TMEM216: variants seen among roughly 807,000 people sequenced by gnomAD.
TMEM216 encodes transmembrane protein 216.
TMEM216 carries 15 observed loss-of-function variants against 17.8 expected under a neutral mutation model. The ratio of observed to expected loss-of-function variants is 0.84; its 90% CI spans 0.56 to 1.30. The LOEUF (loss-of-function observed/expected upper bound fraction) is 1.30. TMEM216 is among the 50% of genes most tolerant of loss of function. The pLI is 0.00. For synonymous variants in TMEM216, 58 were observed against 73.5 expected, an observed-to-expected ratio of 0.79 and a Z score of 1.08; for missense variants, 160 against 175.7, an observed-to-expected ratio of 0.91 and a Z score of 0.51.
At chr11:61,396,386 G>A (rs548835619) in intron 3 of TMEM216, among the ~76,000 whole-genome samples, 11 of 152,282 alleles carry the variant, frequency 7.2e-5, no homozygotes, top group African/African-American at 2.6e-4. Context: ...GGGTGAGGCA[G>A]GAGAATCACT....
chr11:61,395,756 A>G (rs916662502), intron 3 of TMEM216, among the ~76,000 whole-genome samples: 1 of 152,054 alleles, frequency 6.6e-6, no homozygotes, highest in Non-Finnish European at 1.5e-5. Context: ...GGTAAGGGAC[A>G]TTAATGGCAG....
chr11:61,398,220 C>T lies in TMEM216; in HGVS notation c.432-50C>T, dbSNP rs185928080. On this transcript the variant is annotated intron_variant, in intron 4 of 4. Coordinates refer to ENST00000515837, the MANE Select transcript of TMEM216 (RefSeq NM_001173990.3). ...TAGAACAGTCGAGGCCAGCTGCTCT[C>T]ATTCACTGGTCTTTTAACATTTTCT... The T allele has an allele frequency of 4.5e-5, 72 of 1,601,888 alleles. No homozygotes were observed. The African/African-American group carries it at 7.3e-4, about 16-fold the overall frequency.
rs1281870888 is a variant in TMEM216, at chr11:61,392,698, C to G, written c.34+33C>G. 3 of 1,535,950 alleles carry G rather than the reference C, an allele frequency of 2.0e-6. No individual in the cohort carries two copies. The Admixed American group carries it at 5.9e-5, about 30-fold the overall frequency. Reference sequence around the variant, plus strand: ...TCCGGAGGTGTGTGAGTCGCTGGTCCCTTTCCCTTCGGTCGCTCCCTCCCA... The same window carrying G: ...TCCGGAGGTGTGTGAGTCGCTGGTCGCTTTCCCTTCGGTCGCTCCCTCCCA... On this transcript the variant is annotated intron_variant, in intron 1 of 4. Transcript: ENST00000515837.
At position 61,393,299 on chromosome 11, in the gene TMEM216, T is replaced by A; in HGVS notation, c.103T>A (p.Phe35Ile). 1 of 1,536,034 alleles carries A rather than the reference T, an allele frequency of 6.5e-7. No homozygotes were observed. The change falls in exon 2 of 5, where the codon TTC becomes ATC. Residue 35 changes from phenylalanine to isoleucine, a missense_variant. Transcript: ENST00000515837. ...GAACGGGTGGTATAATGCTACCTAT[T>A]TCCTGCTGGAACTTTTCATATTTCT... is the stretch of plus-strand genomic sequence containing the variant. ...FLNGWYNATY[F>I]LLELFIFLYK... is the part of the protein sequence containing the mutation.
intron 3 of TMEM216, 47 bp downstream of exon 3, chr11:61,394,023 G>A: frequency 6.5e-7 from 1 of 1,548,774 alleles, no homozygotes; most frequent in Non-Finnish European, 8.9e-7. Flanking sequence ...AGACAAGCTG[G>A]TATCTGTAAC....
intron 2 of TMEM216, 119 bp from the exon 3 acceptor site, chr11:61,393,765 C>A: frequency 1.5e-6 from 1 of 688,918 alleles, no homozygotes; most frequent in Non-Finnish European, 2.5e-6. Flanking sequence ...ATAATGCCCA[C>A]ATCTCACTAA....
Position 61,392,646 on chromosome 11 carries a change from A to ACTGAAGATGGCGCCGCGAGGT in TMEM216, c.16_34+2dup. 6.7e-7 allele frequency: 1 copy of ACTGAAGATGGCGCCGCGAGGT among 1,500,474 alleles called. No individual in the cohort carries two copies. The highest frequency in any genetic ancestry group is 8.9e-7 in the Non-Finnish European group (1 of 1,126,100). 92.9% of individuals were successfully genotyped at this position (1,500,474 alleles called of 1,614,324 possible). On this transcript the variant is annotated inframe_insertion, in exon 1 of 5. Coordinates refer to ENST00000515837, the MANE Select transcript of TMEM216 (RefSeq NM_001173990.3). ...TGTGGCAGCGTATGCTGCCACGGGG[A>ACTGAAGATGGCGCCGCGAGGT]CTGAAGATGGCGCCGCGAGGTGAGA...
chr11:61,393,276 A>T lies in TMEM216; in HGVS notation c.80A>T (p.Asn27Ile). 2.0e-6 allele frequency: 3 copies of T among 1,536,004 alleles called. No homozygotes were observed. Among genetic ancestry groups the T allele is most frequent in the Non-Finnish European group, 2.6e-6 (3 of 1,146,844 alleles). Residue 27 changes from asparagine to isoleucine, a missense_variant, in exon 2 of 5, where the codon AAC becomes ATC. Physicochemically the swap from Asn to Ile is moderately radical, Grantham distance 149 (BLOSUM62 -3). Coordinates refer to ENST00000515837, the MANE Select transcript of TMEM216 (RefSeq NM_001173990.3). ...CCGCTGGAAATCCTGTTCTTTCTGA[A>T]CGGGTGGTATAATGCTACCTATTTC... ...STPLEILFFLNGWYNATYFLL... is the reference protein window; with the variant it reads ...STPLEILFFLIGWYNATYFLL...
chr11:61,397,292 G>A (rs1207295909), intron 3 of TMEM216, among the ~76,000 whole-genome samples: 4 of 151,232 alleles, frequency 2.6e-5, no homozygotes, highest in Non-Finnish European at 5.9e-5. Flanking sequence ...TCAGCCTCCC[G>A]AGTAGCTGGG....
Position 61,392,626 on chromosome 11 carries a change from C to T in TMEM216, c.-6C>T, listed in dbSNP as rs1038137806. 150 of 1,515,628 alleles carry T rather than the reference C, an allele frequency of 9.9e-5. No homozygotes were observed. Among genetic ancestry groups the T allele is most frequent in the Non-Finnish European group, 1.3e-4 (146 of 1,134,476 alleles). 93.9% of individuals were successfully genotyped at this position (1,515,628 alleles called of 1,614,324 possible). On this transcript the variant is annotated 5_prime_UTR_variant, in exon 1 of 5. Transcript: ENST00000515837. The stretch of plus-strand genomic sequence containing the variant: ...CGCGCTGCTCCGGGAGCCGCTGTGG[C>T]AGCGTATGCTGCCACGGGGACTGAA...
chr11:61,397,742 T>C (rs1200941641), intron 3 of TMEM216, 32 bp from the exon 4 acceptor site: 1 of 1,594,782 alleles, frequency 6.3e-7, no homozygotes, highest in East Asian at 2.2e-5. Context: ...AGCAGACCAT[T>C]TGGAGATGAC....
rs1858737152 is a variant in TMEM216, at chr11:61,393,933, G to A, written c.186G>A (p.Met62Ile). ...CTAACCTAGTACTGGATGTGGTGATGCTCCTCCTTTATCTTGGAATTGAAG... is the reference window on the plus strand; with the variant it reads ...CTAACCTAGTACTGGATGTGGTGATACTCCTCCTTTATCTTGGAATTGAAG... ...PTANLVLDVV[M>I]LLLYLGIEVI... is the part of the protein sequence containing the mutation. The change falls in exon 3 of 5, where the codon ATG becomes ATA. Residue 62 changes from methionine (M) to isoleucine (I), a missense_variant. Physicochemically the swap from Met to Ile is conservative, Grantham distance 10 (BLOSUM62 1). Coordinates refer to ENST00000515837, the MANE Select transcript of TMEM216 (RefSeq NM_001173990.3). 6.2e-7 allele frequency: 1 copy of A among 1,613,964 alleles called. No individual in the cohort carries two copies. The highest frequency in any genetic ancestry group is 8.5e-7 in the Non-Finnish European group (1 of 1,179,888).
chr11:61,393,364 C>A, intron 2 of TMEM216, 32 bp downstream of exon 2: 1 of 1,416,018 alleles, frequency 7.1e-7, no homozygotes, highest in Non-Finnish European at 9.6e-7. Flanking sequence ...ACGACAGCAT[C>A]CCTTCCCCAC....
Position 61,393,252 on chromosome 11 carries a change from C to G in TMEM216, c.56C>G (p.Pro19Arg). The change falls in exon 2 of 5, where the codon CCG becomes CGG. Residue 19 changes from proline (P) to arginine (R), a missense_variant. Physicochemically the swap from Pro to Arg is moderately radical, Grantham distance 103 (BLOSUM62 -2). Coordinates refer to ENST00000515837, the MANE Select transcript of TMEM216 (RefSeq NM_001173990.3). ...APRGKRLSST[P>R]LEILFFLNGW... ...TCAGGTAAACGGTTGTCCTCCACCC[C>G]GCTGGAAATCCTGTTCTTTCTGAAC... 1 of 1,535,938 alleles carries G rather than the reference C, an allele frequency of 6.5e-7. No individual in the cohort carries two copies. The highest frequency in any genetic ancestry group is 8.7e-7 in the Non-Finnish European group (1 of 1,146,776).
rs773177429 is a variant in TMEM216, at chr11:61,397,864, T to C, written c.320T>C (p.Leu107Pro). The C allele has an allele frequency of 3.7e-6, 6 of 1,614,038 alleles. No homozygotes were observed. The highest frequency in any genetic ancestry group is 5.1e-6 in the Non-Finnish European group (6 of 1,179,892). ...FPSAMMASYYLLLQTYVLRLE... is the reference protein window; with the variant it reads ...FPSAMMASYYPLLQTYVLRLE... ...TCTGCCATGATGGCCTCCTATTACC[T>C]GCTGCTGCAGACCTACGTACTCCGC... Residue 107 changes from leucine to proline, a missense_variant, in exon 4 of 5, where the codon CTG becomes CCG. By Grantham distance (98) the Leu-to-Pro change is moderately conservative. Transcript: ENST00000515837.
At chr11:61,394,108 T>C in intron 3 of TMEM216, 132 bp downstream of exon 3, 1 of 808,028 alleles carries the variant, frequency 1.2e-6, no homozygotes, top group Non-Finnish European at 2.0e-6. Flanking sequence ...ACTCCGTCTC[T>C]GAAGTTTCAA....
At position 61,397,887 on chromosome 11, in the gene TMEM216, C is replaced by T. The variant is rs774225426; in HGVS notation, c.343C>T (p.Arg115Cys). The T allele has an allele frequency of 4.6e-5, 75 of 1,613,914 alleles. No homozygotes were observed. Among genetic ancestry groups the T allele is most frequent in the East Asian group, 8.9e-5 (4 of 44,904 alleles). Reference sequence around the variant, plus strand: ...CCTGCTGCTGCAGACCTACGTACTCCGCCTGGAAGCCATCATGAATGGCAT... The same window carrying T: ...CCTGCTGCTGCAGACCTACGTACTCTGCCTGGAAGCCATCATGAATGGCAT... Reference protein sequence around the residue: ...YYLLLQTYVLRLEAIMNGILL... With the variant: ...YYLLLQTYVLCLEAIMNGILL... The change falls in exon 4 of 5, where the codon CGC (arginine) becomes TGC (cysteine). Residue 115 changes from arginine (R) to cysteine (C), a missense_variant. By Grantham distance (180) the Arg-to-Cys change is radical. Coordinates refer to ENST00000515837, the MANE Select transcript of TMEM216 (RefSeq NM_001173990.3).
intron 3 of TMEM216, among the ~76,000 whole-genome samples, chr11:61,396,034 A>C (rs982197995): frequency 6.6e-6 from 1 of 152,222 alleles, no homozygotes; most frequent in African/African-American, 2.4e-5. Context: ...GATTAAAAAA[A>C]AATTCCACAG....
chr11:61,395,031 C>T (rs529580694), intron 3 of TMEM216, among the ~76,000 whole-genome samples: 21 of 152,220 alleles, frequency 1.4e-4, no homozygotes, highest in African/African-American at 4.8e-4. Flanking sequence ...GGCTGTAGTA[C>T]AGTGGTACGA....
Sources: gnomAD v4.1 joint callset for allele counts (sites outside exome capture counted in the v4.1 genomes callset) on GRCh38, gnomAD v4.1.1 for gene constraint, MANE v1.5 for transcripts, NCBI Gene and HGNC (gene_info 2026-07-23, HGNC 2026-07-21) for gene names.